NHSL1: variants seen among roughly 807,000 people sequenced by gnomAD.
NHSL1 encodes the protein NHS-like protein 1.
NHSL1 carries 48 observed loss-of-function variants against 95.0 expected under a neutral mutation model. That is an observed-to-expected ratio of 0.51 (90% CI 0.40 to 0.64). The LOEUF is 0.64. NHSL1 is among the 30% of genes least tolerant of loss of function. The pLI, the probability that NHSL1 is intolerant of heterozygous loss-of-function variation, is 0.00. For missense variants in NHSL1, 1,971 were observed against 2,077.7 expected (o/e 0.95, Z 1.00); for synonymous variants, 783 against 833.9 (o/e 0.94, Z 1.05).
intron 2 of NHSL1, among the ~76,000 whole-genome samples, chr6:138,484,886 T>C (rs972761256): frequency 9.2e-5 from 14 of 152,230 alleles, no homozygotes; most frequent in East Asian, 1.9e-4. Flanking sequence ...TCATTTGCCA[T>C]TGCAGAAAAC....
chr6:138,499,792 C>G (rs1780574948), upstream of NHSL1, among the ~76,000 whole-genome samples: 1 of 152,150 alleles, frequency 6.6e-6, no homozygotes, highest in Non-Finnish European at 1.5e-5. Flanking sequence ...AGTCTGACAG[C>G]AATTCCAGTT....
At chr6:138,512,753 C>T (rs7759460) in intron 1 of NHSL1, among the ~76,000 whole-genome samples, 3 of 152,250 alleles carry the variant, frequency 2.0e-5, no homozygotes, top group East Asian at 1.9e-4. Context: ...TTGGGGCAGA[C>T]GACCGCTTTC....
Position 138,651,004 on chromosome 6 carries a change from TA to T in NHSL1, c.96+41471del, listed in dbSNP as rs765487196. 170 of 463,752 alleles carry T rather than the reference TA, an allele frequency of 3.7e-4. 1 individual carries two copies. Among genetic ancestry groups the T allele is most frequent in the Non-Finnish European group, 3.4e-4 (79 of 235,796 alleles). 28.7% of individuals were successfully genotyped at this position (463,752 alleles called of 1,614,324 possible). On this transcript the variant is annotated intron_variant, in intron 1 of 3. Coordinates refer to the NHSL1 transcript ENST00000491526. ...GCTTTGTGTTTGGGTCTTCCTTAAT[TA>T]AAGCAAGTTCGATCTCATCGTAACA...
At chr6:138,538,752 A>G (rs992623890) in intron 1 of NHSL1, among the ~76,000 whole-genome samples, 4 of 152,202 alleles carry the variant, frequency 2.6e-5, no homozygotes, top group African/African-American at 9.6e-5. Context: ...GTCTTGCAAA[A>G]TTTCACAAGT....
At chr6:138,664,613 A>G (rs1019220408) in intron 1 of NHSL1, among the ~76,000 whole-genome samples, 1 of 152,266 alleles carries the variant, frequency 6.6e-6, no homozygotes, top group Non-Finnish European at 1.5e-5. Flanking sequence ...GAAAATCTGT[A>G]TTAGTCAAGG....
intron 1 of NHSL1, among the ~76,000 whole-genome samples, chr6:138,518,424 C>T: frequency 6.9e-6 from 1 of 145,642 alleles, no homozygotes; most frequent in Non-Finnish European, 1.5e-5. Context: ...TGCACAAATT[C>T]ACATTATATA....
rs139758229 is a variant in NHSL1 at position 138,659,627 on chromosome 6, G to A, written c.96+32849C>T. ...CCCAGTGGTAAAAATACTTCATGAC[G>A]TTTTGCTTATTACATTAATTGAATA... On this transcript the variant is annotated intron_variant, in intron 1 of 3. Coordinates refer to the NHSL1 transcript ENST00000491526. Among the ~76,000 whole-genome samples the A allele has an allele frequency of 2.2e-3, 327 of 151,798 alleles. 1 individual carries two copies. Among genetic ancestry groups the A allele is most frequent in the African/African-American group, 7.4e-3 (305 of 41,352 alleles).
intron 3 of NHSL1, among the ~76,000 whole-genome samples, chr6:138,458,631 A>G (rs112666947): frequency 7.2e-5 from 11 of 152,278 alleles, no homozygotes; most frequent in South Asian, 4.1e-4. Flanking sequence ...GATCGAGACC[A>G]TCCTGGCCAC....
chr6:138,681,187 A>G (rs1196363402), intron 1 of NHSL1, among the ~76,000 whole-genome samples: 1 of 152,228 alleles, frequency 6.6e-6, no homozygotes, highest in Non-Finnish European at 1.5e-5. Flanking sequence ...AGGATAACCC[A>G]GAAATTGTGT....
intron 1 of NHSL1, among the ~76,000 whole-genome samples, chr6:138,675,890 A>C (rs1785442385): frequency 6.6e-6 from 1 of 152,186 alleles, no homozygotes; most frequent in Non-Finnish European, 1.5e-5. Flanking sequence ...TCTATATTTG[A>C]GGTTGAACAG....
At chr6:138,622,346 CA>C (rs1031732782) in intron 1 of NHSL1, among the ~76,000 whole-genome samples, 6 of 149,394 alleles carry the variant, frequency 4.0e-5, no homozygotes, top group South Asian at 4.3e-4. Flanking sequence ...ACTAAAAATC[CA>C]AAAAAAAATA....
chr6:138,444,303 C>G (rs895606460), intron 4 of NHSL1, among the ~76,000 whole-genome samples: 1 of 151,826 alleles, frequency 6.6e-6, no homozygotes, highest in African/African-American at 2.4e-5. Flanking sequence ...ACTTGGATAG[C>G]TCAAACACCA....
chr6:138,535,896 C>G (rs970395112), intron 1 of NHSL1, among the ~76,000 whole-genome samples: 6 of 152,140 alleles, frequency 3.9e-5, no homozygotes, highest in Admixed American at 3.3e-4. Flanking sequence ...CAGAGAGAGC[C>G]TGTTCTCTCA....
intron 1 of NHSL1, chr6:138,512,548 G>GAA (rs879169351): frequency 1.5e-3 from 176 of 119,072 alleles, no homozygotes; most frequent in South Asian, 6.4e-3. Context: ...CACCAAAAAA[G>GAA]AAAAAAAAAA....
rs149849786 is a variant in NHSL1, at chr6:138,484,983, C to T, written c.211+11236G>A. Among the ~76,000 whole-genome samples, 40 of 152,256 alleles carry T rather than the reference C, an allele frequency of 2.6e-4. No individual in the cohort carries two copies. In the East Asian group the frequency reaches 7.7e-3, roughly 29 times the overall value. ...AATCTGATTTAAATTAAGGTGAGAG[C>T]TTTCTGATGCCATGATTAATGTGAG... On this transcript the variant is annotated intron_variant, in intron 2 of 7. Coordinates refer to ENST00000343505, the MANE Select transcript of NHSL1 (RefSeq NM_001144060.2).
chr6:138,430,273 C>T lies in NHSL1; in HGVS notation c.3952+120G>A. The T allele has an allele frequency of 7.5e-7, 1 of 1,333,920 alleles. No individual in the cohort carries two copies. Among genetic ancestry groups the T allele is most frequent in the Non-Finnish European group, 9.8e-7 (1 of 1,022,622 alleles). 82.6% of individuals were successfully genotyped at this position (1,333,920 alleles called of 1,614,324 possible). On this transcript the variant is annotated intron_variant, in intron 6 of 7. Transcript: ENST00000343505. This position sits in a 1 kb window ranked among gnomAD's most constrained non-coding sequence, Gnocchi z 4.7. ...ACACAGGAAGCCTACATACTGCTAGCTTTAACAGGAATCTGATCTACCTGG... is the reference window on the plus strand; with the variant it reads ...ACACAGGAAGCCTACATACTGCTAGTTTTAACAGGAATCTGATCTACCTGG...
In NHSL1 at chr6:138,666,570, C is replaced by T. The variant is rs1583472353; in HGVS notation, c.96+25906G>A. Among the ~76,000 whole-genome samples, 3 of 116,468 alleles carry T rather than the reference C, an allele frequency of 2.6e-5. No homozygotes were observed. In the South Asian group the frequency reaches 8.7e-4, roughly 34 times the overall value. The allele number at this position is 116,468 out of a possible 152,430, so 76.4% of individuals were successfully genotyped here. A position where few individuals can be genotyped will look rare whatever the true frequency, so the allele number is the denominator to read the frequency against. ...TTGCACCACTGCATTTCAGCCTAGACACAGAGCAAGCCTCCATCTCAAAAA... is the reference window on the plus strand; with the variant it reads ...TTGCACCACTGCATTTCAGCCTAGATACAGAGCAAGCCTCCATCTCAAAAA... On this transcript the variant is annotated intron_variant, in intron 1 of 3. Coordinates refer to the NHSL1 transcript ENST00000491526.
chr6:138,685,572 TG>T (rs1332321538), intron 1 of NHSL1, among the ~76,000 whole-genome samples: 12 of 152,186 alleles, frequency 7.9e-5, no homozygotes, highest in African/African-American at 2.2e-4. Context: ...CCATACAGGC[TG>T]GGTGTGCTGG....
intron 1 of NHSL1, among the ~76,000 whole-genome samples, chr6:138,581,548 C>T (rs1024862461): frequency 1.3e-5 from 2 of 151,734 alleles, no homozygotes; most frequent in South Asian, 4.2e-4. Context: ...AAAAATTAGC[C>T]GGGCATGGTC....
Sources: allele counts gnomAD v4.1 joint callset (sites outside exome capture counted in the v4.1 genomes callset), GRCh38; gene constraint gnomAD v4.1.1; non-coding constraint Gnocchi (gnomAD v3.1); transcripts MANE v1.5; gene names NCBI Gene and HGNC (gene_info 2026-07-23, HGNC 2026-07-21).